The following GRM5 variants were observed in gnomAD, a reference collection of about 807,000 sequenced individuals.
The protein encoded by GRM5 is metabotropic glutamate receptor 5.
Under a neutral mutation model 83.1 loss-of-function variants are expected in GRM5, and 19 were observed. That is an observed-to-expected ratio of 0.23 (90% CI 0.16 to 0.34). The LOEUF is 0.34. GRM5 is among the 10% of genes least tolerant of loss of function. The pLI is 1.00. For missense variants in GRM5, 1,160 were observed against 1,588.3 expected (o/e 0.73, Z 4.58); for synonymous variants, 675 against 633.6 (o/e 1.07, Z -0.98).
intron 3 of GRM5, among the ~76,000 whole-genome samples, chr11:88,728,132 CT>C (rs1030846548): frequency 2.0e-4 from 31 of 151,720 alleles, no homozygotes; most frequent in Non-Finnish European, 1.3e-4. Context: ...ACTACCCAGA[CT>C]AATAAAAAAG....
chr11:88,751,099 A>G (rs1212480083), intron 3 of GRM5, among the ~76,000 whole-genome samples: 2 of 149,086 alleles, frequency 1.3e-5, no homozygotes, highest in African/African-American at 4.9e-5. Context: ...AAAAAAACAA[A>G]GAACAAAATC....
rs201659008 is a variant in GRM5 at position 88,567,872 on chromosome 11, T to A, written c.1811A>T (p.Tyr604Phe). The A allele has an allele frequency of 6.8e-6, 11 of 1,613,668 alleles. No individual in the cohort carries two copies. Among genetic ancestry groups the A allele is most frequent in the Non-Finnish European group, 9.3e-6 (11 of 1,179,676 alleles). The change falls in exon 8 of 10, where the codon TAC (tyrosine) becomes TTC (phenylalanine). Residue 604 changes from tyrosine to phenylalanine, a missense_variant. Tyr to Phe is a conservative substitution (Grantham distance 22). Around this residue, in one of 9 missense-constraint regions of GRM5, gnomAD observed 132 missense variants for 245.5 expected, o/e 0.54. Coordinates refer to ENST00000305447, the MANE Select transcript of GRM5 (RefSeq NM_001143831.3). The surrounding 1 kb of genome is among the most constrained non-coding windows in gnomAD (Gnocchi z 7.3). ...GGACTTGACTACTGGTGTATCACGG[T>A]AAATGATGAAGACTACAGTAACAAA... is the stretch of plus-strand genomic sequence containing the variant. ...TLFVTVVFIIYRDTPVVKSSS... is the reference protein window; with the variant it reads ...TLFVTVVFIIFRDTPVVKSSS...
In GRM5 at chr11:88,743,921, G is replaced by A. The variant is rs147456089; in HGVS notation, c.912-90518C>T. Among the ~76,000 whole-genome samples, 161 of 152,222 alleles carry A rather than the reference G, an allele frequency of 1.1e-3. 2 individuals carry two copies. The South Asian group carries it at 0.013, about 13-fold the overall frequency. ...TTAATTGTCAATGGTAATGAAGCTT[G>A]TATTGACTAGTTAGGCAAACATCAA... On this transcript the variant is annotated intron_variant, in intron 3 of 9. Transcript: ENST00000305447.
At chr11:88,872,827 A>AAAG (rs1382986661) in intron 2 of GRM5, among the ~76,000 whole-genome samples, 2 of 151,564 alleles carry the variant, frequency 1.3e-5, no homozygotes, top group African/African-American at 4.8e-5. Context: ...AATCAACTGG[A>AAAG]AAACAAGTAA....
intron 2 of GRM5, among the ~76,000 whole-genome samples, chr11:88,874,403 A>G (rs1944817110): frequency 6.6e-6 from 1 of 151,898 alleles, no homozygotes; most frequent in Non-Finnish European, 1.5e-5. Flanking sequence ...GAATGACACT[A>G]TAACCGTATC....
At chr11:88,717,874 G>A (rs1188768044) in intron 3 of GRM5, among the ~76,000 whole-genome samples, 8 of 151,582 alleles carry the variant, frequency 5.3e-5, no homozygotes. Flanking sequence ...ACTATTTATA[G>A]TTAGAAGGAT....
chr11:88,524,214 C>CTTTTTTTTT (rs71470770), intron 9 of GRM5, among the ~76,000 whole-genome samples: 7 of 101,404 alleles, frequency 6.9e-5, no homozygotes, highest in East Asian at 2.7e-4. Flanking sequence ...TTCTTTCTTT[C>CTTTTTTTTT]TTTTTTTTTT....
intron 3 of GRM5, among the ~76,000 whole-genome samples, chr11:88,703,168 C>T (rs868205962): frequency 7.9e-5 from 12 of 152,112 alleles, no homozygotes; most frequent in African/African-American, 1.9e-4. Context: ...CTGGAGAAAG[C>T]GCTGGGTCCT....
Position 88,684,626 on chromosome 11 carries a change from A to G in GRM5, c.912-31223T>C, listed in dbSNP as rs148956887. ...GCAAGGTTTAGAGGCATAGACTCCA[A>G]TATAGTTTGGCTCTGTGTCCCCACC... On this transcript the variant is annotated intron_variant, in intron 3 of 9. Transcript: ENST00000305447. Among the ~76,000 whole-genome samples, 157 of 152,312 alleles carry G rather than the reference A, an allele frequency of 1.0e-3. 1 individual carries two copies. The highest frequency in any genetic ancestry group is 1.7e-3 in the Non-Finnish European group (113 of 68,024).
At chr11:88,926,924 A>G (rs1210534228) in intron 2 of GRM5, among the ~76,000 whole-genome samples, 1 of 152,158 alleles carries the variant, frequency 6.6e-6, no homozygotes, top group African/African-American at 2.4e-5. Flanking sequence ...TTATTTGATA[A>G]TTATATTTCA....
intron 3 of GRM5, among the ~76,000 whole-genome samples, chr11:88,699,108 A>AAC (rs899560417): frequency 1.9e-3 from 13 of 7,004 alleles, no homozygotes; most frequent in East Asian, 0.083. Flanking sequence ...AACAAAACAA[A>AAC]AAAAAAAACC....
chr11:88,920,959 A>G (rs1170199274), intron 2 of GRM5, among the ~76,000 whole-genome samples: 2 of 152,220 alleles, frequency 1.3e-5, no homozygotes, highest in Non-Finnish European at 2.9e-5. Context: ...TGTGCAGGTT[A>G]TAATGGCTTT....
chr11:88,604,818 T>C lies in GRM5; in HGVS notation c.1294A>G (p.Ile432Val). 1.2e-6 allele frequency: 2 copies of C among 1,613,990 alleles called. No homozygotes were observed. The highest frequency in any genetic ancestry group is 1.7e-6 in the Non-Finnish European group (2 of 1,179,852). Residue 432 changes from isoleucine to valine, a missense_variant, in exon 5 of 10, where the codon ATT (isoleucine) becomes GTT (valine). This residue lies in a region of GRM5 where 132 missense variants were observed against 197.6 expected (regional missense o/e 0.67). Transcript: ENST00000305447. ...YAGLCDAMKP[I>V]DGRKLLESLM... ...GACTCCAAAAGTTTCCGTCCATCAA[T>C]TGGCTTCATGGCATCACAGAGTCCT...
chr11:88,981,596 T>TA (rs1302645814), intron 2 of GRM5, among the ~76,000 whole-genome samples: 1 of 152,136 alleles, frequency 6.6e-6, no homozygotes, highest in African/African-American at 2.4e-5. Context: ...TAGTCAGAAA[T>TA]AGTATACACA....
Position 88,506,119 on chromosome 11 carries a change from T to A in GRM5, c.*2473A>T, listed in dbSNP as rs1037705063. 6.6e-6 allele frequency: 1 copy of A among 152,236 alleles called. No homozygotes were observed. Among genetic ancestry groups the A allele is most frequent in the Non-Finnish European group, 1.5e-5 (1 of 68,042 alleles). 9.4% of individuals were successfully genotyped at this position (152,236 alleles called of 1,614,324 possible). A position where few individuals can be genotyped will look rare whatever the true frequency, so the allele number is the denominator to read the frequency against. On this transcript the variant is annotated 3_prime_UTR_variant, in exon 10 of 10. Transcript: ENST00000305447. ...TTCTAATTGGATAAATCATTTTTATTATTACAGTTGATTATGATAGCATGT... is the reference window on the plus strand; with the variant it reads ...TTCTAATTGGATAAATCATTTTTATAATTACAGTTGATTATGATAGCATGT...
intron 3 of GRM5, among the ~76,000 whole-genome samples, chr11:88,783,084 T>C (rs985830664): frequency 5.9e-5 from 9 of 152,158 alleles, no homozygotes; most frequent in African/African-American, 2.2e-4. Flanking sequence ...TACATTACTG[T>C]GCTAACTGGT....
rs573077566 is a variant in GRM5 at position 88,724,056 on chromosome 11, T to C, written c.912-70653A>G. 8.1e-4 allele frequency among the ~76,000 whole-genome samples: 123 copies of C among 152,270 alleles called. 1 individual carries two copies. Among genetic ancestry groups the C allele is most frequent in the Non-Finnish European group, 1.2e-3 (80 of 68,022 alleles). The stretch of plus-strand genomic sequence containing the variant: ...TCCAAATTTAAACTCTCTTAGGAGA[T>C]AGTTCAAATCCTTAATATAATCTAT... On this transcript the variant is annotated intron_variant, in intron 3 of 9. Coordinates refer to ENST00000305447, the MANE Select transcript of GRM5 (RefSeq NM_001143831.3).
In GRM5 at chr11:88,508,545, G is replaced by T; in HGVS notation, c.*47C>A. Reference sequence around the variant, plus strand: ...TTGCCATTGTGTGTGTGTGAACACGGGGGGCTCCGCTCCGCACGCGCAGGC... The same window carrying T: ...TTGCCATTGTGTGTGTGTGAACACGTGGGGCTCCGCTCCGCACGCGCAGGC... On this transcript the variant is annotated 3_prime_UTR_variant, in exon 10 of 10. Coordinates refer to ENST00000305447, the MANE Select transcript of GRM5 (RefSeq NM_001143831.3). The surrounding 1 kb of genome is among the most constrained non-coding windows in gnomAD (Gnocchi z 4.2). 6.7e-7 allele frequency: 1 copy of T among 1,499,158 alleles called. No individual in the cohort carries two copies. The highest frequency in any genetic ancestry group is 1.4e-5 in the African/African-American group (1 of 70,998). 92.9% of individuals were successfully genotyped at this position (1,499,158 alleles called of 1,614,324 possible). A position where few individuals can be genotyped will look rare whatever the true frequency, so the allele number is the denominator to read the frequency against.
chr11:88,696,503 T>C (rs1379218698), intron 3 of GRM5, among the ~76,000 whole-genome samples: 3 of 152,164 alleles, frequency 2.0e-5, no homozygotes, highest in East Asian at 1.9e-4. Context: ...GAATGACATG[T>C]GATTTGAACA....
Sources: allele counts gnomAD v4.1 joint callset (sites outside exome capture counted in the v4.1 genomes callset), GRCh38; gene constraint gnomAD v4.1.1; regional missense constraint gnomAD v4.1.1; non-coding constraint Gnocchi (gnomAD v3.1); transcripts MANE v1.5; gene names NCBI Gene and HGNC (gene_info 2026-07-23, HGNC 2026-07-21).